The following ODAD2 variants were observed in gnomAD, a reference collection of about 807,000 sequenced individuals.
ODAD2 encodes outer dynein arm docking complex subunit 2, also known as outer dynein arm-docking complex subunit 2.
A neutral mutation model predicts 106.8 loss-of-function variants in ODAD2; 89 were observed. The ratio of observed to expected loss-of-function variants is 0.83; its 90% CI spans 0.70 to 0.99. The LOEUF is 0.99. Ranked by LOEUF, ODAD2 falls within the 50% of genes least tolerant of loss-of-function variation. The pLI is 0.00. For missense variants in ODAD2, 1,168 were observed against 1,238.5 expected (o/e 0.94, Z 0.85); for synonymous variants, 404 against 436.2 (o/e 0.93, Z 0.92).
At chr10:27,836,118 T>C (rs1298590719) in intron 19 of ODAD2, 2 of 152,932 alleles carry the variant, frequency 1.3e-5, no homozygotes, top group Admixed American at 1.3e-4. Flanking sequence ...CTGCATAAAA[T>C]TGGATCCATG....
At chr10:27,867,979 G>T (rs543316741) in intron 17 of ODAD2, among the ~76,000 whole-genome samples, 1 of 150,674 alleles carries the variant, frequency 6.6e-6, no homozygotes, top group South Asian at 2.1e-4. Flanking sequence ...GTATAAAAAA[G>T]ACTCCAGTCA....
At chr10:27,904,265 A>C (rs1171254635) in intron 17 of ODAD2, 8 of 407,034 alleles carry the variant, frequency 2.0e-5, no homozygotes, top group Non-Finnish European at 5.0e-6. Context: ...GCAAGCACCA[A>C]CCCCACAAAG....
At chr10:27,975,352 T>A (rs1420088981) in intron 7 of ODAD2, among the ~76,000 whole-genome samples, 1 of 152,050 alleles carries the variant, frequency 6.6e-6, no homozygotes, top group Non-Finnish European at 1.5e-5. Context: ...AACCTAAAAC[T>A]AGTTCCTCGA....
At chr10:27,886,125 C>G (rs538358661) in intron 17 of ODAD2, among the ~76,000 whole-genome samples, 1 of 149,730 alleles carries the variant, frequency 6.7e-6, no homozygotes, top group African/African-American at 2.4e-5. Context: ...TAATAATGAC[C>G]AAAAATGTCC....
intron 18 of ODAD2, among the ~76,000 whole-genome samples, chr10:27,861,944 T>C (rs897141584): frequency 1.3e-5 from 2 of 152,200 alleles, no homozygotes; most frequent in African/African-American, 4.8e-5. Flanking sequence ...CCTCTGGTCA[T>C]GGTGAAGTCA....
intron 7 of ODAD2, among the ~76,000 whole-genome samples, chr10:27,973,858 C>A (rs1017375486): frequency 1.3e-5 from 2 of 152,200 alleles, no homozygotes; most frequent in African/African-American, 4.8e-5. Context: ...GGAATTGCCA[C>A]ACTGTTTTCC....
intron 16 of ODAD2, among the ~76,000 whole-genome samples, chr10:27,924,341 A>G (rs1189596683): frequency 1.3e-5 from 2 of 151,836 alleles, no homozygotes; most frequent in East Asian, 3.9e-4. Context: ...AAATGATGAT[A>G]ATGAAAGTAC....
intron 3 of ODAD2, 43 bp downstream of exon 3, chr10:27,987,343 T>C (rs748623134): frequency 3.5e-5 from 55 of 1,580,742 alleles, no homozygotes; most frequent in Non-Finnish European, 4.4e-5. Flanking sequence ...CCAGCAAGAT[T>C]GTTTCTAAAA....
intron 2 of ODAD2, among the ~76,000 whole-genome samples, chr10:27,994,057 A>G (rs945562744): frequency 6.6e-6 from 1 of 151,820 alleles, no homozygotes; most frequent in African/African-American, 2.4e-5. Flanking sequence ...ATGAACTAAT[A>G]CATTCTTATA....
At chr10:27,825,320 G>A (rs910772376) in intron 19 of ODAD2, among the ~76,000 whole-genome samples, 4 of 152,196 alleles carry the variant, frequency 2.6e-5, no homozygotes, top group African/African-American at 9.6e-5. Context: ...CTTTAAAGGT[G>A]CAGCCTAGCG....
Position 27,935,181 on chromosome 10 carries a change from T to G in ODAD2, c.2324A>C (p.Asn775Thr), listed in dbSNP as rs1590065716. ...GCATTCTCCCAAGGCCCCAACCACA[T>G]TCACAAGTACTTCTTCAGGCTGATC... is the stretch of plus-strand genomic sequence containing the variant. ...LTDQPEEVLV[N>T]VVGALGECCQ... Residue 775 changes from asparagine to threonine, a missense_variant, in exon 16 of 20, where the codon AAT becomes ACT. This residue lies in a region of ODAD2 where 701 missense variants were observed against 712.3 expected (regional missense o/e 0.98). Transcript: ENST00000305242. 6.2e-7 allele frequency: 1 copy of G among 1,614,012 alleles called. No individual in the cohort carries two copies. Among genetic ancestry groups the G allele is most frequent in the African/African-American group, 1.3e-5 (1 of 75,056 alleles).
chr10:27,946,499 C>G, intron 10 of ODAD2, among the ~76,000 whole-genome samples: 1 of 152,000 alleles, frequency 6.6e-6, no homozygotes, highest in East Asian at 1.9e-4. Flanking sequence ...TATTTATCAC[C>G]TTAAACACAT....
chr10:27,853,311 G>A lies in ODAD2; in HGVS notation c.3021+7314C>T, dbSNP rs932133769. On this transcript the variant is annotated intron_variant, in intron 19 of 19. Coordinates refer to ENST00000305242, the MANE Select transcript of ODAD2 (RefSeq NM_018076.5). ...GAATCCGGGAGGTGGAGGTTGCAGT[G>A]AGCCAAGATCGTTGTCACTGCACTC... is the stretch of plus-strand genomic sequence containing the variant. 1.5e-5 allele frequency: 4 copies of A among 272,070 alleles called. 1 individual carries two copies. In the Admixed American group the frequency reaches 1.6e-4, roughly 11 times the overall value. 16.9% of individuals were successfully genotyped at this position (272,070 alleles called of 1,614,324 possible).
At chr10:27,915,615 T>C (rs1844309961) in intron 16 of ODAD2, among the ~76,000 whole-genome samples, 1 of 152,116 alleles carries the variant, frequency 6.6e-6, no homozygotes, top group Non-Finnish European at 1.5e-5. Flanking sequence ...TACGATTAAA[T>C]TCTGACTTCT....
In ODAD2 at chr10:27,944,499, A is replaced by G. The variant is rs1003349791; in HGVS notation, c.1534-68T>C. 6 of 1,391,688 alleles carry G rather than the reference A, an allele frequency of 4.3e-6. No individual in the cohort carries two copies. The African/African-American group carries it at 7.1e-5, about 17-fold the overall frequency. The allele number at this position is 1,391,688 out of a possible 1,614,324, so 86.2% of individuals were successfully genotyped here. ...TGCTATGTTTTTAAAAATTCCGAGT[A>G]TACCTAAAATCCTTCCCCAGTTAAG... On this transcript the variant is annotated intron_variant, in intron 11 of 19. Coordinates refer to ENST00000305242, the MANE Select transcript of ODAD2 (RefSeq NM_018076.5).
At chr10:27,812,758 T>C in intron 19 of ODAD2, 133 bp from the exon 20 acceptor site, 3 of 1,290,836 alleles carry the variant, frequency 2.3e-6, no homozygotes, top group Non-Finnish European at 2.0e-6. Context: ...AGAAATTCCA[T>C]TTAAGCAAAT....
chr10:27,984,525 T>A (rs1849756007), intron 4 of ODAD2, among the ~76,000 whole-genome samples: 1 of 152,258 alleles, frequency 6.6e-6, no homozygotes, highest in Non-Finnish European at 1.5e-5. Flanking sequence ...ATGCTGATAA[T>A]ATTCTAACAC....
At chr10:27,898,719 T>G (rs1402174158) in intron 17 of ODAD2, among the ~76,000 whole-genome samples, 4 of 152,176 alleles carry the variant, frequency 2.6e-5, no homozygotes, top group African/African-American at 2.4e-5. Context: ...CAAGTTTTTA[T>G]TTTGTTCAAC....
chr10:27,926,953 C>T (rs1325437177), intron 16 of ODAD2, among the ~76,000 whole-genome samples: 3 of 152,052 alleles, frequency 2.0e-5, no homozygotes, highest in Admixed American at 6.6e-5. Flanking sequence ...GAAAATTCAG[C>T]ACACGTAAAT....
Sources: gnomAD v4.1 joint callset for allele counts (sites outside exome capture counted in the v4.1 genomes callset) on GRCh38, gnomAD v4.1.1 for gene constraint, gnomAD v4.1.1 regional missense constraint, MANE v1.5 for transcripts, NCBI Gene and HGNC (gene_info 2026-07-23, HGNC 2026-07-21) for gene names.